Variants in DPH5 observed in about 807,000 individuals in gnomAD.
DPH5 encodes diphthamide biosynthesis 5.
DPH5 carries 31 observed loss-of-function variants against 31.6 expected under a neutral mutation model. The observed-to-expected ratio is 0.98, with a 90% CI of 0.74 to 1.32. DPH5 has a LOEUF of 1.32. DPH5 is among the 40% of genes most tolerant of loss of function. DPH5 has a pLI of 0.00. For missense variants in DPH5, 309 were observed against 335.7 expected, an observed-to-expected ratio of 0.92 and a Z score of 0.62; for synonymous variants, 120 against 115.0, an observed-to-expected ratio of 1.04 and a Z score of -0.28.
intron 3 of DPH5, among the ~76,000 whole-genome samples, chr1:101,020,730 G>A (rs1293726913): frequency 3.3e-5 from 5 of 152,016 alleles, no homozygotes; most frequent in Non-Finnish European, 5.9e-5. Context: ...CATTTGTAAA[G>A]CTAGAATCCT....
rs1657553233 is a variant in DPH5, at chr1:100,990,347, C to G, written c.*61G>C. 1 of 1,504,412 alleles carries G rather than the reference C, an allele frequency of 6.6e-7. No individual in the cohort carries two copies. Among genetic ancestry groups the G allele is most frequent in the Admixed American group, 1.7e-5 (1 of 59,612 alleles). 93.2% of individuals were successfully genotyped at this position (1,504,412 alleles called of 1,614,324 possible). On this transcript the variant is annotated 3_prime_UTR_variant, in exon 8 of 8. Transcript: ENST00000370109. ...AGATGAGACTTGGGTGGGGATACAT[C>G]CAAACCATATCAATCCATATATGGC...
Position 101,025,718 on chromosome 1 carries a change from A to G in DPH5, c.-59T>C, listed in dbSNP as rs1660778462. On this transcript the variant is annotated 5_prime_UTR_variant, in exon 1 of 8. Transcript: ENST00000370109. ...AATCGTAGGTAGTTCTCTGGCCTTT[A>G]CAAATTCTTAACTACCACCTTTCCG... 1 of 398,658 alleles carries G rather than the reference A, an allele frequency of 2.5e-6. No individual in the cohort carries two copies. The highest frequency in any genetic ancestry group is 3.4e-5 in the South Asian group (1 of 29,730). The allele number at this position is 398,658 out of a possible 1,614,324, so 24.7% of individuals were successfully genotyped here.
At chr1:101,023,087 G>C (rs1388819934) in intron 2 of DPH5, 1 of 152,220 alleles carries the variant, frequency 6.6e-6, no homozygotes, top group Non-Finnish European at 1.5e-5. Flanking sequence ...CAGCTACTCA[G>C]AAGGCTGTGA....
At chr1:101,021,878 G>T in intron 2 of DPH5, 113 bp from the exon 3 acceptor site, 2 of 1,093,674 alleles carry the variant, frequency 1.8e-6, no homozygotes, top group South Asian at 1.8e-5. Context: ...TGGGACTGGT[G>T]CATATGTTGG....
intron 4 of DPH5, among the ~76,000 whole-genome samples, chr1:101,002,858 CAG>C (rs1403131235): frequency 5.3e-5 from 8 of 152,096 alleles, no homozygotes; most frequent in African/African-American, 1.9e-4. Context: ...AGGAAGGAAA[CAG>C]AGAAGGTGGG....
intron 4 of DPH5, among the ~76,000 whole-genome samples, chr1:101,010,755 C>G (rs1221515360): frequency 6.6e-6 from 1 of 152,102 alleles, no homozygotes. Flanking sequence ...GCAAGATAAC[C>G]TCTCAACATC....
intron 4 of DPH5, among the ~76,000 whole-genome samples, chr1:101,008,517 T>A (rs1659398311): frequency 6.6e-6 from 1 of 152,232 alleles, no homozygotes; most frequent in Admixed American, 6.5e-5. Flanking sequence ...CTAAATCTTT[T>A]CCATTATATT....
At position 100,990,482 on chromosome 1, in the gene DPH5, T is replaced by C. The variant is rs772484276; in HGVS notation, c.784A>G (p.Met262Val). Reference sequence around the variant, plus strand: ...AACAGACTTAGCATCTCCATCTCCATTGGATGTATGCTGCCTCCTGTGATG... The same window carrying C: ...AACAGACTTAGCATCTCCATCTCCACTGGATGTATGCTGCCTCCTGTGATG... ...LIITGGSIHP[M>V]EMEMLSLFSI... The change falls in exon 8 of 8, where the codon ATG (methionine) becomes GTG (valine). Residue 262 changes from methionine to valine, a missense_variant. Met to Val is a conservative substitution (Grantham distance 21, BLOSUM62 1). Transcript: ENST00000370109. 3.7e-6 allele frequency: 6 copies of C among 1,614,164 alleles called. No individual in the cohort carries two copies. The highest frequency in any genetic ancestry group is 2.2e-5 in the East Asian group (1 of 44,886).
chr1:100,994,403 C>G (rs968770352), intron 6 of DPH5, among the ~76,000 whole-genome samples: 3 of 152,058 alleles, frequency 2.0e-5, no homozygotes, highest in Non-Finnish European at 4.4e-5. Flanking sequence ...GTAGGGGGTA[C>G]TGTATTAGAC....
At position 100,990,145 on chromosome 1, in the gene DPH5, G is replaced by A. The variant is rs745642557; in HGVS notation, c.*263C>T. 2.0e-5 allele frequency: 9 copies of A among 443,410 alleles called. No homozygotes were observed. The highest frequency in any genetic ancestry group is 3.7e-5 in the Non-Finnish European group (9 of 244,456). 27.5% of individuals were successfully genotyped at this position (443,410 alleles called of 1,614,324 possible). A position where few individuals can be genotyped will look rare whatever the true frequency, so the allele number is the denominator to read the frequency against. ...AGGAAACTTAACAATCACGGTGGAA[G>A]GCACCTCTTCACAGGGCGGCAAGAG... On this transcript the variant is annotated 3_prime_UTR_variant, in exon 8 of 8. Transcript: ENST00000370109.
Position 101,022,504 on chromosome 1 carries a change from T to C in DPH5, c.136-739A>G, listed in dbSNP as rs1660529679. Among the ~76,000 whole-genome samples, 6 of 152,220 alleles carry C rather than the reference T, an allele frequency of 3.9e-5. No individual in the cohort carries two copies. In the South Asian group the frequency reaches 1.2e-3, roughly 32 times the overall value. On this transcript the variant is annotated intron_variant, in intron 2 of 7. Transcript: ENST00000370109. Reference sequence around the variant, plus strand: ...GTCATCTGATAGTGGTTACGGGCTATTATGCAAGATCATGAATCCTTTTCT... The same window carrying C: ...GTCATCTGATAGTGGTTACGGGCTACTATGCAAGATCATGAATCCTTTTCT...
intron 4 of DPH5, among the ~76,000 whole-genome samples, chr1:101,008,726 A>C (rs1659421283): frequency 1.3e-5 from 2 of 152,082 alleles, no homozygotes; most frequent in Non-Finnish European, 2.9e-5. Flanking sequence ...TTTTAACTAC[A>C]CTTCTCTCTC....
At chr1:101,016,664 C>G (rs1040257201) in intron 3 of DPH5, among the ~76,000 whole-genome samples, 13 of 151,892 alleles carry the variant, frequency 8.6e-5, no homozygotes, top group Non-Finnish European at 1.9e-4. Flanking sequence ...CCAGGCTGGT[C>G]TTGAACTCCT....
At position 100,990,562 on chromosome 1, in the gene DPH5, C is replaced by T. The variant is rs753869160; in HGVS notation, c.704G>A (p.Gly235Asp). The T allele has an allele frequency of 6.2e-7, 1 of 1,614,092 alleles. No individual in the cohort carries two copies. The highest frequency in any genetic ancestry group is 8.5e-7 in the Non-Finnish European group (1 of 1,180,000). Reference protein sequence around the residue: ...VGADDQKIAAGTLRQMCTVDL... With the variant: ...VGADDQKIAADTLRQMCTVDL... ...CACAGTGCACATTTGCCTTAAAGTGCCTGCTGCAATTTTCTGGTCGTCGGC... is the reference window on the plus strand; with the variant it reads ...CACAGTGCACATTTGCCTTAAAGTGTCTGCTGCAATTTTCTGGTCGTCGGC... The change falls in exon 8 of 8, where the codon GGC (glycine) becomes GAC (aspartate). Residue 235 changes from glycine to aspartate, a missense_variant. By Grantham distance (94) the Gly-to-Asp change is moderately conservative. Transcript: ENST00000370109.
At chr1:101,019,985 A>C (rs1660331936) in intron 3 of DPH5, among the ~76,000 whole-genome samples, 1 of 152,216 alleles carries the variant, frequency 6.6e-6, no homozygotes, top group Admixed American at 6.5e-5. Context: ...GAATATTACA[A>C]AACACTTATG....
At chr1:101,010,326 G>GC (rs1361166469) in intron 4 of DPH5, among the ~76,000 whole-genome samples, 1 of 152,114 alleles carries the variant, frequency 6.6e-6, no homozygotes, top group Non-Finnish European at 1.5e-5. Flanking sequence ...TTATTTTATG[G>GC]CAAGTCTGTA....
intron 2 of DPH5, among the ~76,000 whole-genome samples, chr1:101,023,703 T>C (rs1051684096): frequency 2.0e-5 from 3 of 152,224 alleles, no homozygotes; most frequent in African/African-American, 7.2e-5. Flanking sequence ...ATGAAGAAAC[T>C]GAGGTTCAGA....
chr1:101,013,154 TAAGATATAAATGATA>T lies in DPH5; in HGVS notation c.369+541_369+555del, dbSNP rs1659821306. ...ACCAAGCTTGGAAAATGATAGTAGC[TAAGATATAAATGATA>T]AAGATATAAATGATAGTAGCTAAGA... On this transcript the variant is annotated intron_variant, in intron 4 of 7. Coordinates refer to ENST00000370109, the MANE Select transcript of DPH5 (RefSeq NM_015958.3). Among the ~76,000 whole-genome samples, 4 of 152,294 alleles carry T rather than the reference TAAGATATAAATGATA, an allele frequency of 2.6e-5. 1 individual carries two copies. The South Asian group carries it at 8.3e-4, about 32-fold the overall frequency.
At chr1:101,006,693 C>T (rs1288843897) in intron 4 of DPH5, among the ~76,000 whole-genome samples, 2 of 151,992 alleles carry the variant, frequency 1.3e-5, no homozygotes, top group Non-Finnish European at 2.9e-5. Flanking sequence ...ATAAGAATCA[C>T]TACAAGGTCG....
Sources: gnomAD v4.1 joint callset for allele counts (sites outside exome capture counted in the v4.1 genomes callset) on GRCh38, gnomAD v4.1.1 for gene constraint, MANE v1.5 for transcripts, NCBI Gene and HGNC (gene_info 2026-07-23, HGNC 2026-07-21) for gene names.